Variants in PLAU observed in about 807,000 individuals in gnomAD.
The protein encoded by PLAU is urokinase-type plasminogen activator.
PLAU carries 32 observed loss-of-function variants against 48.9 expected under a neutral mutation model. The observed-to-expected ratio is 0.65, with a 90% CI of 0.49 to 0.88. The LOEUF is 0.88. Ranked by LOEUF, PLAU falls within the 40% of genes least tolerant of loss-of-function variation. The probability of loss-of-function intolerance (pLI) is 0.00; values close to 1 mark genes in which losing one functional copy is unlikely to be tolerated. For missense variants in PLAU, 455 were observed against 545.2 expected (o/e 0.83, Z 1.65); for synonymous variants, 199 against 205.7 (o/e 0.97, Z 0.28).
At chr10:73,913,247 C>T in intron 5 of PLAU, 43 bp from the exon 6 acceptor site, 1 of 1,603,386 alleles carries the variant, frequency 6.2e-7, no homozygotes, top group Non-Finnish European at 8.5e-7. Context: ...CAGGGAAGGC[C>T]CTCTGGGTTG....
In PLAU at chr10:73,912,937, C is replaced by T. The variant is rs968181898; in HGVS notation, c.207C>T (p.Thr69=). Residue 69 remains threonine (T), a synonymous_variant, in exon 5 of 11, where the codon ACC becomes ACT. Coordinates refer to ENST00000372764, the MANE Select transcript of PLAU (RefSeq NM_002658.6). The part of the protein sequence containing the change: ...GQHCEIDKSK[T]CYEGNGHFYR... ...GTCCCCTTGTAGATAAGTCAAAAAC[C>T]TGCTATGAGGGGAATGGTCACTTTT... 1 of 1,610,206 alleles carries T rather than the reference C, an allele frequency of 6.2e-7. No homozygotes were observed. Among genetic ancestry groups the T allele is most frequent in the Admixed American group, 1.7e-5 (1 of 58,940 alleles).
At chr10:73,909,824 G>A (rs2096120837), upstream of PLAU, 2 of 152,270 alleles carry the variant, frequency 1.3e-5, no homozygotes, top group South Asian at 4.1e-4. Context: ...GACACTAGGG[G>A]AAAGAGATGG....
At position 73,913,757 on chromosome 10, in the gene PLAU, A is replaced by G. The variant is rs759455005; in HGVS notation, c.679A>G (p.Ile227Val). ...GGTGATCAGCGCCACACACTGCTTC[A>G]TGTACGGCCCTGGGTTTCTCCTCTT... ...CWVISATHCFIDYPKKEDYIV... is the reference protein window; with the variant it reads ...CWVISATHCFVDYPKKEDYIV... The change falls in exon 7 of 11, where the codon ATT becomes GTT. Residue 227 changes from isoleucine (I) to valine (V), a missense_variant and splice_region_variant. Coordinates refer to ENST00000372764, the MANE Select transcript of PLAU (RefSeq NM_002658.6). The G allele has an allele frequency of 6.9e-6, 11 of 1,586,066 alleles. No individual in the cohort carries two copies. In the Admixed American group the frequency reaches 1.9e-4, roughly 28 times the overall value.
At chr10:73,910,188 C>T (rs1249932524), upstream of PLAU, 1 of 152,238 alleles carries the variant, frequency 6.6e-6, no homozygotes. Flanking sequence ...GTCCTCCAGT[C>T]TCCCAATTCC....
At chr10:73,913,958 T>G (rs749165945) in intron 7 of PLAU, 22 bp from the exon 8 acceptor site, 1 of 1,610,416 alleles carries the variant, frequency 6.2e-7, no homozygotes. Context: ...CTAAGCTGTT[T>G]GATGGGTATC....
At position 73,916,397 on chromosome 10, in the gene PLAU, A is replaced by T. The variant is rs1166202330; in HGVS notation, c.1128A>T (p.Ser376=). ...QWKTDSCQGD[S]GGPLVCSLQG... ...TATCTTTGGCGTCACAGGGAGACTCAGGGGGACCCCTCGTCTGTTCCCTCC... is the reference window on the plus strand; with the variant it reads ...TATCTTTGGCGTCACAGGGAGACTCTGGGGGACCCCTCGTCTGTTCCCTCC... Residue 376 remains serine, a synonymous_variant, in exon 11 of 11, where the codon TCA becomes TCT. Transcript: ENST00000372764. 9 of 1,612,676 alleles carry T rather than the reference A, an allele frequency of 5.6e-6. No homozygotes were observed. The highest frequency in any genetic ancestry group is 7.6e-6 in the Non-Finnish European group (9 of 1,179,394).
Position 73,912,925 on chromosome 10 carries a change from T to G in PLAU, c.195T>G (p.Asp65Glu), listed in dbSNP as rs1172750674. Residue 65 changes from aspartate (D) to glutamate (E), a missense_variant and splice_region_variant, in exon 5 of 11, where the codon GAT becomes GAG. By Grantham distance (45) the Asp-to-Glu change is conservative. Coordinates refer to ENST00000372764, the MANE Select transcript of PLAU (RefSeq NM_002658.6). ...TCTCATCCTCCTGTCCCCTTGTAGA[T>G]AAGTCAAAAACCTGCTATGAGGGGA... ...KKFGGQHCEI[D>E]KSKTCYEGNG... 1 of 1,604,328 alleles carries G rather than the reference T, an allele frequency of 6.2e-7. No homozygotes were observed. The highest frequency in any genetic ancestry group is 8.5e-7 in the Non-Finnish European group (1 of 1,175,448).
At chr10:73,910,400 C>T (rs1234447547), upstream of PLAU, 3 of 152,252 alleles carry the variant, frequency 2.0e-5, no homozygotes, top group African/African-American at 7.2e-5. Flanking sequence ...TTCCCACAAT[C>T]CTGTAACATC....
At chr10:73,908,855 C>A (rs1423774308), upstream of PLAU, among the ~76,000 whole-genome samples, 4 of 66,962 alleles carry the variant, frequency 6.0e-5, no homozygotes, top group East Asian at 9.4e-4. Flanking sequence ...GAGACTCCGT[C>A]TCAAAAAAAA....
chr10:73,912,272 T>A lies in PLAU; in HGVS notation c.143T>A (p.Ile48Asn), dbSNP rs764051398. Reference sequence around the variant, plus strand: ...GTGTCCAACAAGTACTTCTCCAACATTCACTGGTGCAACTGCCCAAAGAAA... The same window carrying A: ...GTGTCCAACAAGTACTTCTCCAACAATCACTGGTGCAACTGCCCAAAGAAA... ...TCVSNKYFSN[I>N]HWCNCPKKFG... The change falls in exon 4 of 11, where the codon ATT becomes AAT. Residue 48 changes from isoleucine (I) to asparagine (N), a missense_variant. Transcript: ENST00000372764. 9 of 1,613,934 alleles carry A rather than the reference T, an allele frequency of 5.6e-6. No individual in the cohort carries two copies. Among genetic ancestry groups the A allele is most frequent in the Non-Finnish European group, 7.6e-6 (9 of 1,180,028 alleles).
In PLAU at chr10:73,914,042, C is replaced by T. The variant is rs373858934; in HGVS notation, c.743C>T (p.Thr248Met). 75 of 1,613,846 alleles carry T rather than the reference C, an allele frequency of 4.6e-5. No homozygotes were observed. The highest frequency in any genetic ancestry group is 1.1e-4 in the East Asian group (5 of 44,884). Residue 248 changes from threonine (T) to methionine (M), a missense_variant, in exon 8 of 11, where the codon ACG becomes ATG. Transcript: ENST00000372764. Reference protein sequence around the residue: ...YLGRSRLNSNTQGEMKFEVEN... With the variant: ...YLGRSRLNSNMQGEMKFEVEN... ...GGTCGCTCAAGGCTTAACTCCAACACGCAAGGGGAGATGAAGTTTGAGGTG... is the reference window on the plus strand; with the variant it reads ...GGTCGCTCAAGGCTTAACTCCAACATGCAAGGGGAGATGAAGTTTGAGGTG...
chr10:73,914,301 G>C (rs2096131732), intron 8 of PLAU, among the ~76,000 whole-genome samples, 173 bp downstream of exon 8: 1 of 152,200 alleles, frequency 6.6e-6, no homozygotes, highest in Admixed American at 6.5e-5. Flanking sequence ...CATGAAGTCT[G>C]AGGGGCCTGG....
intron 4 of PLAU, among the ~76,000 whole-genome samples, 171 bp downstream of exon 4, chr10:73,912,493 G>A (rs1474355892): frequency 6.6e-6 from 1 of 152,178 alleles, no homozygotes; most frequent in Non-Finnish European, 1.5e-5. Context: ...CCACACAAAT[G>A]TGAGGTGGGG....
intron 9 of PLAU, 60 bp from the exon 10 acceptor site, chr10:73,915,191 G>T: frequency 6.5e-7 from 1 of 1,529,022 alleles, no homozygotes; most frequent in South Asian, 1.2e-5. Context: ...CCCCTCTCTG[G>T]CAGACTCCCA....
chr10:73,915,459 G>A, intron 10 of PLAU, 60 bp downstream of exon 10: 1 of 1,490,376 alleles, frequency 6.7e-7, no homozygotes, highest in Non-Finnish European at 9.0e-7. Flanking sequence ...TCCTGGGCTT[G>A]TTCCAGCCAG....
At chr10:73,911,941 G>C (rs2136185894) in intron 2 of PLAU, 100 bp from the exon 3 acceptor site, 1 of 1,611,994 alleles carries the variant, frequency 6.2e-7, no homozygotes, top group Admixed American at 1.7e-5. Flanking sequence ...GCGAGAGGGA[G>C]AGGGAAGAGT....
In PLAU at chr10:73,914,097, C is replaced by G. The variant is rs767978842; in HGVS notation, c.798C>G (p.Ser266Arg). ...ACCTCATCCTACACAAGGACTACAG[C>G]GCTGACACGCTTGCTCACCACAACG... ...VENLILHKDY[S>R]ADTLAHHNDI... is the part of the protein sequence containing the mutation. Residue 266 changes from serine (S) to arginine (R), a missense_variant, in exon 8 of 11, where the codon AGC becomes AGG. Physicochemically the swap from Ser to Arg is moderately radical, Grantham distance 110. Transcript: ENST00000372764. 1.2e-6 allele frequency: 2 copies of G among 1,614,184 alleles called. No individual in the cohort carries two copies. The highest frequency in any genetic ancestry group is 1.1e-5 in the South Asian group (1 of 91,086).
At chr10:73,913,841 C>T (rs2096130315) in intron 7 of PLAU, 83 bp downstream of exon 7, 11 of 1,399,436 alleles carry the variant, frequency 7.9e-6, no homozygotes, top group Non-Finnish European at 1.1e-5. Flanking sequence ...AGTGTTCCGC[C>T]TCATTTCTCC....
chr10:73,913,211 G>A, intron 5 of PLAU, 79 bp from the exon 6 acceptor site: 1 of 1,576,522 alleles, frequency 6.3e-7, no homozygotes, highest in Non-Finnish European at 8.7e-7. Flanking sequence ...GCGGCCTCTG[G>A]TTGAGTCTTC....
Sources: gnomAD v4.1 joint callset for allele counts (sites outside exome capture counted in the v4.1 genomes callset) on GRCh38, gnomAD v4.1.1 for gene constraint, MANE v1.5 for transcripts, NCBI Gene and HGNC (gene_info 2026-07-23, HGNC 2026-07-21) for gene names.